The following SLC9A1 variants were observed in gnomAD, a reference collection of about 807,000 sequenced individuals.
SLC9A1 encodes solute carrier family 9 member A1.
A neutral mutation model predicts 67.9 loss-of-function variants in SLC9A1; 22 were observed. The observed-to-expected ratio is 0.32, with a 90% CI of 0.23 to 0.46. The LOEUF (loss-of-function observed/expected upper bound fraction) is 0.46, where lower values mean the gene tolerates loss of function less well. Among genes scored for constraint, SLC9A1 ranks in the 20% least tolerant of loss-of-function variants. The pLI is 1.00. For missense variants in SLC9A1, 686 were observed against 1,094.8 expected, an observed-to-expected ratio of 0.63 and a Z score of 5.27; for synonymous variants, 421 against 471.8, an observed-to-expected ratio of 0.89 and a Z score of 1.40.
chr1:27,114,091 G>A lies in SLC9A1; in HGVS notation c.548C>T (p.Thr183Ile). ...GATCAGGATGGTGCCCAGGTTTTCT[G>A]TGAACTGCCGCAGTGGCAGGAAGTA... ...AGYFLPLRQF[T>I]ENLGTILIFA... Residue 183 changes from threonine (T) to isoleucine (I), a missense_variant, in exon 2 of 12, where the codon ACA (threonine) becomes ATA (isoleucine). Physicochemically the swap from Thr to Ile is moderately conservative, Grantham distance 89 (BLOSUM62 -1). This residue lies in a region of SLC9A1 where 49 missense variants were observed against 73.1 expected (regional missense o/e 0.67). Transcript: ENST00000263980. The surrounding 1 kb of genome is among the most constrained non-coding windows in gnomAD (Gnocchi z 5.4). 6.8e-6 allele frequency: 11 copies of A among 1,614,198 alleles called. No individual in the cohort carries two copies. The highest frequency in any genetic ancestry group is 9.3e-6 in the Non-Finnish European group (11 of 1,180,040).
In SLC9A1 at chr1:27,100,789, C is replaced by A. The variant is rs1026745412; in HGVS notation, c.2111-145G>T. Reference sequence around the variant, plus strand: ...AACAGGCCTCAGAAGCAGGCCTCTGCGACCTTCCACCCCACAGCTTCTCTT... The same window carrying A: ...AACAGGCCTCAGAAGCAGGCCTCTGAGACCTTCCACCCCACAGCTTCTCTT... On this transcript the variant is annotated intron_variant, in intron 11 of 11. Transcript: ENST00000263980. This position sits in a 1 kb window ranked among gnomAD's most constrained non-coding sequence, Gnocchi z 5.6. 2 of 667,462 alleles carry A rather than the reference C, an allele frequency of 3.0e-6. No individual in the cohort carries two copies. Among genetic ancestry groups the A allele is most frequent in the East Asian group, 2.6e-5 (1 of 38,048 alleles). 41.3% of individuals were successfully genotyped at this position (667,462 alleles called of 1,614,324 possible). A position where few individuals can be genotyped will look rare whatever the true frequency, so the allele number is the denominator to read the frequency against.
intron 2 of SLC9A1, among the ~76,000 whole-genome samples, chr1:27,111,802 ACT>A (rs1557741286): frequency 3.3e-5 from 5 of 152,098 alleles, no homozygotes; most frequent in Admixed American, 2.6e-4. Flanking sequence ...GTGACAGGAG[ACT>A]CTGTCTCTAA....
chr1:27,148,429 G>A (rs1380592879), intron 1 of SLC9A1, among the ~76,000 whole-genome samples: 1 of 152,032 alleles, frequency 6.6e-6, no homozygotes, highest in African/African-American at 2.4e-5. Flanking sequence ...GGTTACCAAT[G>A]TGGATGTGTC....
intron 1 of SLC9A1, among the ~76,000 whole-genome samples, chr1:27,145,030 C>T (rs535497615): frequency 6.7e-6 from 1 of 149,482 alleles, no homozygotes; most frequent in South Asian, 2.1e-4. Flanking sequence ...GCACTCCAAC[C>T]CAGGCGAAGA....
chr1:27,141,377 C>A (rs2083452205), intron 1 of SLC9A1, among the ~76,000 whole-genome samples: 1 of 152,200 alleles, frequency 6.6e-6, no homozygotes, highest in South Asian at 2.1e-4. Flanking sequence ...CTGGGACATT[C>A]TTCTGCAATC....
chr1:27,112,722 A>G (rs1473502034), intron 2 of SLC9A1, among the ~76,000 whole-genome samples: 1 of 152,000 alleles, frequency 6.6e-6, no homozygotes, highest in Admixed American at 6.6e-5. Flanking sequence ...AGTCTCTACT[A>G]AAAACACAAA....
chr1:27,153,914 T>G, intron 1 of SLC9A1, 69 bp downstream of exon 1: 1 of 1,033,664 alleles, frequency 9.7e-7, no homozygotes, highest in South Asian at 1.6e-5. Flanking sequence ...CAGCCTCAAA[T>G]GGTGCGAGAT....
chr1:27,134,263 C>T (rs1037834381), intron 1 of SLC9A1, among the ~76,000 whole-genome samples: 4 of 152,146 alleles, frequency 2.6e-5, no homozygotes, highest in Non-Finnish European at 4.4e-5. Context: ...TACTTGCTGG[C>T]TCTGTGACCT....
rs951545226 is a variant in SLC9A1, at chr1:27,138,304, T to A, written c.352+15679A>T. ...AGATGAGCTCTTCTTGTCCTTTGGG[T>A]CTCAGCTCAGACACCAGCTCCTTAG... On this transcript the variant is annotated intron_variant, in intron 1 of 11. Transcript: ENST00000263980. 3.9e-5 allele frequency among the ~76,000 whole-genome samples: 6 copies of A among 152,182 alleles called. No individual in the cohort carries two copies. The East Asian group carries it at 5.8e-4, about 15-fold the overall frequency.
Position 27,113,811 on chromosome 1 carries a change from C to T in SLC9A1, c.813+15G>A, listed in dbSNP as rs750699496. On this transcript the variant is annotated intron_variant, in intron 2 of 11. Coordinates refer to ENST00000263980, the MANE Select transcript of SLC9A1 (RefSeq NM_003047.5). ...TGTACCGTTTGGACATGGGCATGGC[C>T]CCTGGCCTCCTCACCACAGTGACGG... The T allele has an allele frequency of 2.7e-5, 43 of 1,598,564 alleles. No homozygotes were observed. The highest frequency in any genetic ancestry group is 8.0e-5 in the African/African-American group (6 of 74,750).
chr1:27,104,379 G>A (rs1391053762), intron 5 of SLC9A1, among the ~76,000 whole-genome samples: 2 of 151,982 alleles, frequency 1.3e-5, no homozygotes, highest in East Asian at 3.9e-4. Context: ...ACCGCGCCCA[G>A]CCTCTCTCCT....
At chr1:27,122,407 GA>G (rs1181690010) in intron 1 of SLC9A1, among the ~76,000 whole-genome samples, 1 of 152,178 alleles carries the variant, frequency 6.6e-6, no homozygotes, top group Non-Finnish European at 1.5e-5. Flanking sequence ...GTGAACAAAT[GA>G]AAAGAGAGGG....
rs1024831843 is a variant in SLC9A1, at chr1:27,114,883, A to T, written c.353-597T>A. 3.3e-5 allele frequency among the ~76,000 whole-genome samples: 5 copies of T among 152,228 alleles called. No individual in the cohort carries two copies. The highest frequency in any genetic ancestry group is 4.8e-5 in the African/African-American group (2 of 41,450). On this transcript the variant is annotated intron_variant, in intron 1 of 11. Transcript: ENST00000263980. The surrounding 1 kb of genome is among the most constrained non-coding windows in gnomAD (Gnocchi z 5.4). ...CGTGGGAAGGAACTTGGGGATAATA[A>T]GGCCTGGGGTCTGCAAACCTGCAAA...
chr1:27,102,849 A>AG, intron 6 of SLC9A1, 106 bp from the exon 7 acceptor site: 1 of 1,029,754 alleles, frequency 9.7e-7, no homozygotes. Flanking sequence ...TGCTGGGTCC[A>AG]GCCCTGTGGT....
intron 1 of SLC9A1, among the ~76,000 whole-genome samples, chr1:27,128,294 T>C (rs2083359345): frequency 6.6e-6 from 1 of 152,172 alleles, no homozygotes; most frequent in Non-Finnish European, 1.5e-5. Context: ...ATAAAGAATG[T>C]CTATGGCACA....
intron 2 of SLC9A1, among the ~76,000 whole-genome samples, chr1:27,113,598 T>C (rs1302549169): frequency 1.3e-5 from 2 of 152,212 alleles, no homozygotes; most frequent in Non-Finnish European, 2.9e-5. Flanking sequence ...TTTGGGCCTG[T>C]GTCTCCCCTG....
intron 1 of SLC9A1, among the ~76,000 whole-genome samples, chr1:27,129,548 G>A (rs2124182681): frequency 6.6e-6 from 1 of 152,302 alleles, no homozygotes. Context: ...TCTCTCCTGT[G>A]GGAGAAGAGG....
At position 27,109,879 on chromosome 1, in the gene SLC9A1, C is replaced by T; in HGVS notation, c.814-102G>A. On this transcript the variant is annotated intron_variant, in intron 2 of 11. Coordinates refer to ENST00000263980, the MANE Select transcript of SLC9A1 (RefSeq NM_003047.5). The surrounding 1 kb of genome is among the most constrained non-coding windows in gnomAD (Gnocchi z 5.5). ...ATCCTGTCCCCTCCGTTAACCATGGCCACAAGAAGAGGCCACACGGTAGCA... is the reference window on the plus strand; with the variant it reads ...ATCCTGTCCCCTCCGTTAACCATGGTCACAAGAAGAGGCCACACGGTAGCA... 7.3e-7 allele frequency: 1 copy of T among 1,365,650 alleles called. No homozygotes were observed. Among genetic ancestry groups the T allele is most frequent in the Non-Finnish European group, 1.0e-6 (1 of 984,248 alleles). The allele number at this position is 1,365,650 out of a possible 1,614,324, so 84.6% of individuals were successfully genotyped here. A position where few individuals can be genotyped will look rare whatever the true frequency, so the allele number is the denominator to read the frequency against.
intron 5 of SLC9A1, chr1:27,105,484 G>C: frequency 1.8e-6 from 1 of 542,934 alleles, no homozygotes; most frequent in Non-Finnish European, 3.3e-6. Context: ...TTTTAGTAGA[G>C]ACGGGGTTTC....
Sources: allele counts gnomAD v4.1 joint callset (sites outside exome capture counted in the v4.1 genomes callset), GRCh38; gene constraint gnomAD v4.1.1; regional missense constraint gnomAD v4.1.1; non-coding constraint Gnocchi (gnomAD v3.1); transcripts MANE v1.5; gene names NCBI Gene and HGNC (gene_info 2026-07-23, HGNC 2026-07-21).